SUGCT: variants seen among roughly 807,000 people sequenced by gnomAD.
SUGCT encodes the protein succinyl-CoA:glutarate CoA-transferase.
In SUGCT, 41 loss-of-function variants were observed where a neutral mutation model predicts 55.0. The ratio of observed to expected loss-of-function variants is 0.74; its 90% CI spans 0.58 to 0.97. The LOEUF (loss-of-function observed/expected upper bound fraction) is 0.97, where lower values mean the gene tolerates loss of function less well. Ranked by LOEUF, SUGCT falls within the 50% of genes least tolerant of loss-of-function variation. The pLI is 0.00. For missense variants in SUGCT, 568 were observed against 547.8 expected (o/e 1.04, Z -0.37); for synonymous variants, 187 against 200.4 (o/e 0.93, Z 0.56).
chr7:40,555,372 G>A (rs1450004946), intron 12 of SUGCT, among the ~76,000 whole-genome samples: 1 of 151,404 alleles, frequency 6.6e-6, no homozygotes, highest in Non-Finnish European at 1.5e-5. Flanking sequence ...ACAAAAGGCT[G>A]CTCTTTGGAT....
chr7:40,522,346 C>G (rs1317430436), intron 12 of SUGCT, among the ~76,000 whole-genome samples: 3 of 152,108 alleles, frequency 2.0e-5, no homozygotes, highest in African/African-American at 7.2e-5. Context: ...AAAGCCCTTT[C>G]TCTAAGTTTC....
At chr7:40,405,528 G>A (rs867491437) in intron 9 of SUGCT, among the ~76,000 whole-genome samples, 1 of 151,926 alleles carries the variant, frequency 6.6e-6, no homozygotes, top group Non-Finnish European at 1.5e-5. Context: ...TAACAATGAG[G>A]AGCTGGGCGT....
rs1259234286 is a variant in SUGCT, at chr7:40,308,952, A to G, written c.721-7808A>G. On this transcript the variant is annotated intron_variant, in intron 8 of 13. Coordinates refer to ENST00000335693, the MANE Select transcript of SUGCT (RefSeq NM_001193313.2). ...TTGAACTTGGTAGGTGGAGGTTGCA[A>G]TGAGAGATTGTGCCACTGCACTGCA... is the stretch of plus-strand genomic sequence containing the variant. Among the ~76,000 whole-genome samples the G allele has an allele frequency of 2.0e-5, 3 of 152,168 alleles. No individual in the cohort carries two copies. In the East Asian group the frequency reaches 5.8e-4, roughly 29 times the overall value.
intron 12 of SUGCT, among the ~76,000 whole-genome samples, chr7:40,676,825 T>C (rs933093609): frequency 2.0e-5 from 3 of 152,074 alleles, no homozygotes; most frequent in African/African-American, 7.2e-5. Flanking sequence ...TTTTGAAGTT[T>C]ACTATTTTGT....
intron 12 of SUGCT, among the ~76,000 whole-genome samples, chr7:40,669,369 A>G (rs1326947149): frequency 6.9e-6 from 1 of 145,398 alleles, no homozygotes; most frequent in Non-Finnish European, 1.5e-5. Context: ...AAAAAAAAAA[A>G]TTACTCATCC....
chr7:40,207,479 T>C (rs1787038980), intron 6 of SUGCT, among the ~76,000 whole-genome samples: 2 of 152,208 alleles, frequency 1.3e-5, no homozygotes, highest in African/African-American at 4.8e-5. Context: ...GAATGTAAAA[T>C]GGTTCAGCCC....
In SUGCT at chr7:40,565,992, C is replaced by CACACACACAT. The variant is rs1491317958; in HGVS notation, c.1089+69606_1089+69607insACACACACAT. Among the ~76,000 whole-genome samples, 547 of 86,666 alleles carry CACACACACAT rather than the reference C, an allele frequency of 6.3e-3. 6 individuals carry two copies. Among genetic ancestry groups the CACACACACAT allele is most frequent in the African/African-American group, 0.028 (508 of 17,964 alleles). 56.9% of individuals were successfully genotyped at this position (86,666 alleles called of 152,430 possible). Reference sequence around the variant, plus strand: ...TCACACACACACACACACACACACACGCACACACACACACACACACACACA... The same window carrying CACACACACAT: ...TCACACACACACACACACACACACACACACACACATGCACACACACACACACACACACACA... On this transcript the variant is annotated intron_variant, in intron 12 of 13. Transcript: ENST00000335693.
At chr7:40,499,107 A>C in intron 12 of SUGCT, 1 of 456,700 alleles carries the variant, frequency 2.2e-6, no homozygotes, top group South Asian at 1.5e-5. Context: ...GTGGGAACGC[A>C]CCACTGGCGC....
At chr7:40,589,781 T>C (rs1179643688) in intron 12 of SUGCT, among the ~76,000 whole-genome samples, 1 of 152,186 alleles carries the variant, frequency 6.6e-6, no homozygotes, top group Non-Finnish European at 1.5e-5. Flanking sequence ...TTAAACCAAA[T>C]AACAAAATGG....
intron 13 of SUGCT, among the ~76,000 whole-genome samples, chr7:40,772,496 A>G (rs1047438546): frequency 1.3e-4 from 1 of 7,568 alleles, no homozygotes; most frequent in African/African-American, 4.1e-4. Context: ...CTTTTGAAAT[A>G]TCTATCTATC....
At chr7:40,784,508 T>C (rs1789921259) in intron 13 of SUGCT, among the ~76,000 whole-genome samples, 1 of 152,166 alleles carries the variant, frequency 6.6e-6, no homozygotes, top group African/African-American at 2.4e-5. Flanking sequence ...GGAGGAACTC[T>C]TGTAGACTAA....
chr7:40,148,867 C>A (rs1177168587), intron 1 of SUGCT, among the ~76,000 whole-genome samples: 1 of 152,112 alleles, frequency 6.6e-6, no homozygotes, highest in East Asian at 1.9e-4. Context: ...GTAAATAGTT[C>A]TCTTTAGAAT....
intron 12 of SUGCT, among the ~76,000 whole-genome samples, chr7:40,531,896 G>T (rs1363398156): frequency 6.6e-6 from 1 of 152,070 alleles, no homozygotes; most frequent in African/African-American, 2.4e-5. Context: ...GGATGATCTC[G>T]ATCTCCTGAC....
At chr7:40,295,351 G>A (rs567947043) in intron 8 of SUGCT, among the ~76,000 whole-genome samples, 22 of 152,256 alleles carry the variant, frequency 1.4e-4, no homozygotes, top group East Asian at 7.7e-4. Context: ...CAAGGCAGGC[G>A]GATCACCTGA....
chr7:40,380,031 T>A (rs905676879), intron 9 of SUGCT, among the ~76,000 whole-genome samples: 1 of 152,222 alleles, frequency 6.6e-6, no homozygotes, highest in African/African-American at 2.4e-5. Context: ...CACAAAGAGA[T>A]GGTTGTTAAC....
chr7:40,606,452 T>G (rs1798540815), intron 12 of SUGCT, among the ~76,000 whole-genome samples: 1 of 152,008 alleles, frequency 6.6e-6, no homozygotes, highest in Non-Finnish European at 1.5e-5. Context: ...AAGGGCGAGA[T>G]TTGGGATCCT....
At chr7:40,596,292 A>T (rs1584089900) in intron 12 of SUGCT, among the ~76,000 whole-genome samples, 1 of 152,206 alleles carries the variant, frequency 6.6e-6, no homozygotes, top group Admixed American at 6.5e-5. Context: ...AAATAGCTAA[A>T]AAATAAAATT....
chr7:40,267,470 T>C (rs915431228), intron 7 of SUGCT, among the ~76,000 whole-genome samples: 3 of 152,254 alleles, frequency 2.0e-5, no homozygotes, highest in African/African-American at 7.2e-5. Context: ...TTCTCAGGCA[T>C]ATTGCTTAAC....
chr7:40,626,237 T>G (rs1354315746), intron 12 of SUGCT, among the ~76,000 whole-genome samples: 1 of 152,004 alleles, frequency 6.6e-6, no homozygotes, highest in Admixed American at 6.6e-5. Context: ...TAAAGAGACT[T>G]TCTTTCTTTT....
Sources: gnomAD v4.1 joint callset for allele counts (sites outside exome capture counted in the v4.1 genomes callset) on GRCh38, gnomAD v4.1.1 for gene constraint, MANE v1.5 for transcripts, NCBI Gene and HGNC (gene_info 2026-07-23, HGNC 2026-07-21) for gene names.